TMPRSS15: variants seen among roughly 807,000 people sequenced by gnomAD.
TMPRSS15 encodes the protein enteropeptidase.
Under a neutral mutation model 125.3 loss-of-function variants are expected in TMPRSS15, and 128 were observed. That is an observed-to-expected ratio of 1.02 (90% CI 0.89 to 1.18). TMPRSS15 has a LOEUF of 1.18. TMPRSS15 is among the 50% of genes most tolerant of loss of function. The pLI is 0.00. For missense variants in TMPRSS15, 1,283 were observed against 1,212.7 expected (o/e 1.06, Z -0.86); for synonymous variants, 446 against 423.2 (o/e 1.05, Z -0.66).
At chr21:18,437,509 G>GA (rs1043397698) in intron 1 of TMPRSS15, among the ~76,000 whole-genome samples, 1 of 151,972 alleles carries the variant, frequency 6.6e-6, no homozygotes, top group African/African-American at 2.4e-5. Flanking sequence ...TCTGCACAGC[G>GA]AAAAAAACTA....
intron 8 of TMPRSS15, among the ~76,000 whole-genome samples, chr21:18,358,331 A>G (rs969991873): frequency 1.3e-5 from 2 of 151,874 alleles, no homozygotes; most frequent in African/African-American, 4.8e-5. Flanking sequence ...TAGTCAGTCA[A>G]CTCAAAGTGC....
chr21:18,402,619 AAAT>A (rs1278239215), intron 1 of TMPRSS15, among the ~76,000 whole-genome samples: 3 of 152,132 alleles, frequency 2.0e-5, no homozygotes, highest in Non-Finnish European at 4.4e-5. Flanking sequence ...TTTTAAGAGA[AAAT>A]AAACTGTTAA....
At chr21:18,402,313 G>A (rs1465744347) in intron 1 of TMPRSS15, among the ~76,000 whole-genome samples, 2 of 151,972 alleles carry the variant, frequency 1.3e-5, no homozygotes, top group Non-Finnish European at 2.9e-5. Flanking sequence ...GGGCAGATAC[G>A]AGGTCAAGAG....
At chr21:18,334,351 A>C (rs1254853334) in intron 13 of TMPRSS15, among the ~76,000 whole-genome samples, 1 of 152,184 alleles carries the variant, frequency 6.6e-6, no homozygotes, top group Non-Finnish European at 1.5e-5. Context: ...CTAGACCCAG[A>C]TGAACTTATC....
In TMPRSS15 at chr21:18,343,942, G is replaced by T; in HGVS notation, c.1277+13C>A. 6.2e-7 allele frequency: 1 copy of T among 1,609,316 alleles called. No individual in the cohort carries two copies. The highest frequency in any genetic ancestry group is 8.5e-7 in the Non-Finnish European group (1 of 1,175,684). On this transcript the variant is annotated intron_variant, in intron 11 of 24. Transcript: ENST00000284885. ...TAAAAAAGACAGCGTTTAAACAGGT[G>T]TCTACAACATACCAGAAACTAAGGC... is the stretch of plus-strand genomic sequence containing the variant.
intron 21 of TMPRSS15, among the ~76,000 whole-genome samples, chr21:18,282,739 T>C (rs2074716252): frequency 6.6e-6 from 1 of 152,080 alleles, no homozygotes; most frequent in East Asian, 1.9e-4. Context: ...TCATCATAAT[T>C]TTACAATGGG....
In TMPRSS15 at chr21:18,294,368, C is replaced by T. The variant is rs975406724; in HGVS notation, c.2388G>A (p.Trp796Ter). 1 of 1,614,254 alleles carries T rather than the reference C, an allele frequency of 6.2e-7. No individual in the cohort carries two copies. The highest frequency in any genetic ancestry group is 8.5e-7 in the Non-Finnish European group (1 of 1,180,046). Residue 796 changes from tryptophan to a stop codon, truncating the protein, a stop_gained, in exon 21 of 25, where the codon TGG becomes TGA. Coordinates refer to ENST00000284885, the MANE Select transcript of TMPRSS15 (RefSeq NM_002772.3). LOFTEE classifies it high-confidence loss of function. ...VGGSNAKEGAWPWVVGLYYGG... is the reference protein window; with the variant it reads ...VGGSNAKEGA Reference sequence around the variant, plus strand: ...CATAATACAGACCCACAACCCAGGGCCAGGCCCCTTCTTTGGCATTACTTC... The same window carrying T: ...CATAATACAGACCCACAACCCAGGGTCAGGCCCCTTCTTTGGCATTACTTC...
intron 18 of TMPRSS15, among the ~76,000 whole-genome samples, chr21:18,309,513 C>A (rs1017998872): frequency 2.6e-5 from 4 of 151,824 alleles, no homozygotes; most frequent in Admixed American, 6.6e-5. Flanking sequence ...AGCCATCTGA[C>A]AAAGGGCTAA....
At chr21:18,372,905 C>T (rs2075806963) in intron 5 of TMPRSS15, among the ~76,000 whole-genome samples, 1 of 152,140 alleles carries the variant, frequency 6.6e-6, no homozygotes, top group Admixed American at 6.5e-5. Context: ...CACCAAGAAA[C>T]ACATTTTACT....
chr21:18,289,136 T>A (rs1012288480), intron 21 of TMPRSS15, among the ~76,000 whole-genome samples: 1 of 152,178 alleles, frequency 6.6e-6, no homozygotes, highest in Admixed American at 6.5e-5. Flanking sequence ...GTAATGTTAT[T>A]TTATTATAAA....
intron 22 of TMPRSS15, 92 bp from the exon 23 acceptor site, chr21:18,279,151 C>T: frequency 1.4e-6 from 1 of 718,878 alleles, no homozygotes. Flanking sequence ...AAATCAATAA[C>T]AGTTAATCTA....
intron 13 of TMPRSS15, among the ~76,000 whole-genome samples, chr21:18,332,794 G>GT (rs1249264076): frequency 6.6e-6 from 1 of 152,114 alleles, no homozygotes; most frequent in Non-Finnish European, 1.5e-5. Flanking sequence ...ACATGCACAC[G>GT]TTTTTTCATT....
At chr21:18,388,343 G>A (rs922290076) in intron 3 of TMPRSS15, among the ~76,000 whole-genome samples, 1 of 152,124 alleles carries the variant, frequency 6.6e-6, no homozygotes, top group African/African-American at 2.4e-5. Context: ...AGTTTCATAT[G>A]TGGTGATTTT....
chr21:18,445,588 T>C (rs2076254008), intron 1 of TMPRSS15, among the ~76,000 whole-genome samples: 1 of 152,126 alleles, frequency 6.6e-6, no homozygotes, highest in African/African-American at 2.4e-5. Flanking sequence ...CTGAGGGCAA[T>C]AGCACATCAA....
intron 10 of TMPRSS15, among the ~76,000 whole-genome samples, chr21:18,347,133 G>C (rs562175327): frequency 1.3e-5 from 2 of 150,822 alleles, no homozygotes; most frequent in African/African-American, 4.9e-5. Flanking sequence ...AAATCAAACT[G>C]TCATCTCCTT....
rs115765948 is a variant in TMPRSS15, at chr21:18,283,612, G to A, written c.2487-2391C>T. On this transcript the variant is annotated intron_variant, in intron 21 of 24. Coordinates refer to ENST00000284885, the MANE Select transcript of TMPRSS15 (RefSeq NM_002772.3). The stretch of plus-strand genomic sequence containing the variant: ...ATTAATATTTGCTCACAGTGTATGA[G>A]ATCATTATATATAAGTTGGAGTTAA... Among the ~76,000 whole-genome samples, 383 of 151,774 alleles carry A rather than the reference G, an allele frequency of 2.5e-3. 1 individual carries two copies. The highest frequency in any genetic ancestry group is 9.0e-3 in the African/African-American group (373 of 41,404).
chr21:18,462,036 T>C (rs181987644), intron 1 of TMPRSS15, among the ~76,000 whole-genome samples: 39 of 152,256 alleles, frequency 2.6e-4, no homozygotes, highest in African/African-American at 8.7e-4. Flanking sequence ...TGACTTCAAT[T>C]TACCCTTCCT....
chr21:18,449,958 A>G (rs1477140433), intron 1 of TMPRSS15, among the ~76,000 whole-genome samples: 4 of 151,268 alleles, frequency 2.6e-5, no homozygotes, highest in Non-Finnish European at 5.9e-5. Context: ...AGAAGATACA[A>G]AGAAAATATA....
Position 18,275,274 on chromosome 21 carries a change from G to T in TMPRSS15, c.2827C>A (p.Gln943Lys), listed in dbSNP as rs780237847. Residue 943 changes from glutamine (Q) to lysine (K), a missense_variant, in exon 24 of 25, where the codon CAG becomes AAG. Physicochemically the swap from Gln to Lys is moderately conservative, Grantham distance 53. Transcript: ENST00000284885. ...VPLLSNERCQ[Q>K]QMPEYNITEN... ...GTAATGTTATATTCTGGCATCTGCT[G>T]TTGGCATCTCTCATTTGATAGAAGA... The T allele has an allele frequency of 6.2e-7, 1 of 1,614,024 alleles. No individual in the cohort carries two copies. Among genetic ancestry groups the T allele is most frequent in the South Asian group, 1.1e-5 (1 of 91,076 alleles).
Sources: gnomAD v4.1 joint callset for allele counts (sites outside exome capture counted in the v4.1 genomes callset) on GRCh38, gnomAD v4.1.1 for gene constraint, MANE v1.5 for transcripts, NCBI Gene and HGNC (gene_info 2026-07-23, HGNC 2026-07-21) for gene names.